PTPRO: variants seen among roughly 807,000 people sequenced by gnomAD.
PTPRO encodes the protein receptor-type tyrosine-protein phosphatase O.
A neutral mutation model predicts 145.2 loss-of-function variants in PTPRO; 62 were observed. That is an observed-to-expected ratio of 0.43 (90% CI 0.35 to 0.53). The LOEUF is 0.53. Among genes scored for constraint, PTPRO ranks in the 20% least tolerant of loss-of-function variants. The probability of loss-of-function intolerance (pLI) is 0.01; values close to 1 mark genes in which losing one functional copy is unlikely to be tolerated. For synonymous variants in PTPRO, 565 were observed against 514.7 expected (o/e 1.10, Z -1.32); for missense variants, 1,345 against 1,482.7 (o/e 0.91, Z 1.53).
intron 14 of PTPRO, among the ~76,000 whole-genome samples, chr12:15,549,667 A>G (rs923475498): frequency 1.3e-5 from 2 of 152,192 alleles, no homozygotes; most frequent in South Asian, 2.1e-4. Flanking sequence ...AGCCAAAAGT[A>G]TAAGTGGGAA....
chr12:15,455,465 T>A (rs1345471241), intron 1 of PTPRO, among the ~76,000 whole-genome samples: 1 of 152,202 alleles, frequency 6.6e-6, no homozygotes, highest in African/African-American at 2.4e-5. Context: ...CAATATTAAG[T>A]CTTCCGGTCC....
At chr12:15,408,972 C>T (rs1939721499) in intron 1 of PTPRO, among the ~76,000 whole-genome samples, 1 of 152,058 alleles carries the variant, frequency 6.6e-6, no homozygotes, top group African/African-American at 2.4e-5. Context: ...AACAGAGTGC[C>T]TACTGACTAG....
chr12:15,442,313 C>G (rs997378876), intron 1 of PTPRO, among the ~76,000 whole-genome samples: 2 of 151,890 alleles, frequency 1.3e-5, no homozygotes, highest in African/African-American at 4.8e-5. Context: ...TGATAAAAAC[C>G]CTCAAGAAAC....
rs1182416053 is a variant in PTPRO, at chr12:15,380,771, AG to A, written c.75+57971del. On this transcript the variant is annotated intron_variant, in intron 1 of 26. Coordinates refer to ENST00000281171, the MANE Select transcript of PTPRO (RefSeq NM_030667.3). ...ATTTTTTCTTGCACTAAAAATTTAAAGCTTTTTTATTGACTTTTCATTGTAT... is the reference window on the plus strand; with the variant it reads ...ATTTTTTCTTGCACTAAAAATTTAAACTTTTTTATTGACTTTTCATTGTAT... Among the ~76,000 whole-genome samples the A allele has an allele frequency of 3.9e-5, 6 of 152,190 alleles. No homozygotes were observed. In the South Asian group the frequency reaches 6.2e-4, roughly 16 times the overall value.
intron 1 of PTPRO, among the ~76,000 whole-genome samples, chr12:15,387,524 A>G (rs1475105799): frequency 6.6e-6 from 1 of 151,812 alleles, no homozygotes; most frequent in Non-Finnish European, 1.5e-5. Flanking sequence ...TCATAGGTCA[A>G]CCCCTCAGTG....
intron 1 of PTPRO, among the ~76,000 whole-genome samples, chr12:15,480,721 AGATG>A (rs58620856): frequency 0.11 from 16,858 of 150,882 alleles, 1,108 homozygotes; most frequent in East Asian, 0.24. Context: ...CTGATGTAGA[AGATG>A]GATGGATGGA....
At chr12:15,379,131 A>T (rs1440111893) in intron 1 of PTPRO, among the ~76,000 whole-genome samples, 1 of 152,144 alleles carries the variant, frequency 6.6e-6, no homozygotes, top group African/African-American at 2.4e-5. Flanking sequence ...CATTATCTCT[A>T]TTCAAAAGAA....
chr12:15,441,809 T>C (rs186901729), intron 1 of PTPRO, among the ~76,000 whole-genome samples: 36 of 152,138 alleles, frequency 2.4e-4, no homozygotes, highest in East Asian at 1.9e-4. Flanking sequence ...CAAGAAGAAA[T>C]TGAAACATTG....
chr12:15,499,660 T>C, intron 4 of PTPRO, 66 bp downstream of exon 4: 1 of 1,519,090 alleles, frequency 6.6e-7, no homozygotes, highest in Non-Finnish European at 9.1e-7. Flanking sequence ...GTACATTTAT[T>C]TTTTATCCTA....
intron 1 of PTPRO, among the ~76,000 whole-genome samples, chr12:15,371,889 G>C (rs1208578985): frequency 1.3e-5 from 2 of 152,064 alleles, no homozygotes; most frequent in Admixed American, 6.6e-5. Context: ...GCCTTGTGAA[G>C]AAGGTGCCTT....
At chr12:15,401,785 GTTC>G (rs1369682000) in intron 1 of PTPRO, among the ~76,000 whole-genome samples, 2 of 152,126 alleles carry the variant, frequency 1.3e-5, no homozygotes, top group Non-Finnish European at 2.9e-5. Flanking sequence ...TGCACATCTT[GTTC>G]TTCTTGCTGA....
chr12:15,373,638 A>C (rs1236378474), intron 1 of PTPRO, among the ~76,000 whole-genome samples: 2 of 152,212 alleles, frequency 1.3e-5, no homozygotes. Context: ...TTTGAGTAGC[A>C]TTTATTCAAA....
Position 15,503,894 on chromosome 12 carries a change from T to C in PTPRO, c.1106-14T>C, listed in dbSNP as rs541164942. On this transcript the variant is annotated splice_polypyrimidine_tract_variant and intron_variant, in intron 5 of 26. Transcript: ENST00000281171. ...GTCTATTCATGTATCTTCTCTTTTT[T>C]ATATATGATTTAGAGAACTTTACTG... The C allele has an allele frequency of 2.6e-6, 4 of 1,552,706 alleles. No individual in the cohort carries two copies. The highest frequency in any genetic ancestry group is 3.6e-6 in the Non-Finnish European group (4 of 1,125,712).
chr12:15,497,722 A>G (rs933671160), intron 3 of PTPRO, among the ~76,000 whole-genome samples: 5 of 152,170 alleles, frequency 3.3e-5, no homozygotes, highest in African/African-American at 1.2e-4. Context: ...AGCACAAGTA[A>G]CCGTTTCTTT....
intron 1 of PTPRO, among the ~76,000 whole-genome samples, chr12:15,411,574 T>C (rs1205280887): frequency 2.0e-5 from 3 of 152,196 alleles, no homozygotes; most frequent in Non-Finnish European, 4.4e-5. Context: ...TTCGTAGCTG[T>C]GATACAGAAT....
At chr12:15,551,396 G>A (rs1162462256) in intron 14 of PTPRO, among the ~76,000 whole-genome samples, 155 bp from the exon 15 acceptor site, 2 of 152,134 alleles carry the variant, frequency 1.3e-5, no homozygotes, top group Admixed American at 6.6e-5. Context: ...AGTTGACCAG[G>A]AAGAGGTCAT....
At chr12:15,359,885 A>G (rs565848636) in intron 1 of PTPRO, among the ~76,000 whole-genome samples, 1 of 152,282 alleles carries the variant, frequency 6.6e-6, no homozygotes, top group East Asian at 1.9e-4. Flanking sequence ...CTTATCTTGA[A>G]CAGCCCACTC....
intron 1 of PTPRO, among the ~76,000 whole-genome samples, chr12:15,338,601 A>T (rs1410048350): frequency 1.3e-5 from 2 of 152,180 alleles, no homozygotes; most frequent in Non-Finnish European, 2.9e-5. Context: ...TGTTAAAGGC[A>T]ACATTTTAAT....
intron 22 of PTPRO, 59 bp downstream of exon 22, chr12:15,580,890 TTGA>T (rs1944297192): frequency 1.3e-6 from 2 of 1,594,988 alleles, no homozygotes; most frequent in Non-Finnish European, 1.7e-6. Context: ...GCCACTGCCG[TTGA>T]TGAAATGCTT....
Sources: gnomAD v4.1 joint callset for allele counts (sites outside exome capture counted in the v4.1 genomes callset) on GRCh38, gnomAD v4.1.1 for gene constraint, MANE v1.5 for transcripts, NCBI Gene and HGNC (gene_info 2026-07-23, HGNC 2026-07-21) for gene names.